The following PTPRT variants were observed in gnomAD, a reference collection of about 807,000 sequenced individuals.
PTPRT encodes receptor-type tyrosine-protein phosphatase T.
In PTPRT, 56 loss-of-function variants were observed where a neutral mutation model predicts 176.8. The observed-to-expected ratio is 0.32, with a 90% CI of 0.26 to 0.40. The LOEUF (loss-of-function observed/expected upper bound fraction) is 0.40, where lower values mean the gene tolerates loss of function less well. Among genes scored for constraint, PTPRT ranks in the 10% least tolerant of loss-of-function variants. PTPRT has a pLI of 1.00. For missense variants in PTPRT, 1,540 were observed against 1,908.2 expected (o/e 0.81, Z 3.60); for synonymous variants, 783 against 739.0 (o/e 1.06, Z -0.96).
At chr20:42,540,800 C>T (rs1388104435) in intron 7 of PTPRT, among the ~76,000 whole-genome samples, 1 of 151,980 alleles carries the variant, frequency 6.6e-6, no homozygotes, top group African/African-American at 2.4e-5. Flanking sequence ...TTTACATAGT[C>T]AAAATAGTGT....
At chr20:42,855,933 G>A (rs1320355384) in intron 2 of PTPRT, among the ~76,000 whole-genome samples, 1 of 152,028 alleles carries the variant, frequency 6.6e-6, no homozygotes, top group Non-Finnish European at 1.5e-5. Context: ...GAATTATCAG[G>A]CAGAAACCAG....
chr20:42,253,404 A>G (rs1600731930), intron 13 of PTPRT, among the ~76,000 whole-genome samples: 1 of 152,274 alleles, frequency 6.6e-6, no homozygotes, highest in East Asian at 1.9e-4. Context: ...TCAGTGGGAT[A>G]ACACCTGCGT....
At chr20:42,252,640 G>A in intron 13 of PTPRT, among the ~76,000 whole-genome samples, 1 of 152,188 alleles carries the variant, frequency 6.6e-6, no homozygotes, top group East Asian at 1.9e-4. Context: ...ACACACAAAG[G>A]AAAGTGAAGA....
chr20:42,483,734 A>G (rs1032890069), intron 7 of PTPRT, among the ~76,000 whole-genome samples: 9 of 152,244 alleles, frequency 5.9e-5, no homozygotes, highest in African/African-American at 2.2e-4. Flanking sequence ...CACAGTAAGC[A>G]CAAAAACTGC....
At chr20:42,722,524 G>T (rs1444965610) in intron 6 of PTPRT, among the ~76,000 whole-genome samples, 1 of 152,128 alleles carries the variant, frequency 6.6e-6, no homozygotes, top group African/African-American at 2.4e-5. Context: ...AATGCCTGTC[G>T]ATTCCACTTT....
intron 9 of PTPRT, among the ~76,000 whole-genome samples, chr20:42,371,033 C>A (rs967489781): frequency 1.3e-5 from 2 of 152,218 alleles, no homozygotes; most frequent in Non-Finnish European, 2.9e-5. Context: ...CTTGGGCAAA[C>A]CTTCCCTGCT....
chr20:42,187,851 T>G (rs1325405904), intron 16 of PTPRT, among the ~76,000 whole-genome samples: 1 of 152,232 alleles, frequency 6.6e-6, no homozygotes, highest in African/African-American at 2.4e-5. Context: ...ACTGATGGCT[T>G]TTCTATAGGT....
intron 18 of PTPRT, among the ~76,000 whole-genome samples, chr20:42,140,821 G>T (rs934513917): frequency 6.6e-6 from 1 of 152,148 alleles, no homozygotes; most frequent in Non-Finnish European, 1.5e-5. Flanking sequence ...GATCCATGCT[G>T]CTCACCAGTG....
At chr20:42,751,241 A>C (rs1426108439) in intron 6 of PTPRT, among the ~76,000 whole-genome samples, 1 of 152,142 alleles carries the variant, frequency 6.6e-6, no homozygotes, top group African/African-American at 2.4e-5. Flanking sequence ...TCGGGTGCTG[A>C]AGGGCCCAGT....
intron 7 of PTPRT, among the ~76,000 whole-genome samples, chr20:42,668,389 C>T (rs2146029767): frequency 6.6e-6 from 1 of 152,314 alleles, no homozygotes; most frequent in East Asian, 1.9e-4. Context: ...TGAGGGACTT[C>T]CAGCTATTTC....
At chr20:42,209,359 C>G (rs1192358428) in intron 15 of PTPRT, among the ~76,000 whole-genome samples, 1 of 151,944 alleles carries the variant, frequency 6.6e-6, no homozygotes, top group Non-Finnish European at 1.5e-5. Context: ...AATCCAGGAG[C>G]TGGTTTTTTG....
chr20:42,355,665 AG>A (rs556137608), intron 9 of PTPRT, among the ~76,000 whole-genome samples: 1 of 152,136 alleles, frequency 6.6e-6, no homozygotes, highest in African/African-American at 2.4e-5. Flanking sequence ...GTGGCAGAAA[AG>A]GGGAGATGTA....
At chr20:42,318,393 A>G (rs1241138998) in intron 11 of PTPRT, among the ~76,000 whole-genome samples, 1 of 152,166 alleles carries the variant, frequency 6.6e-6, no homozygotes, top group African/African-American at 2.4e-5. Context: ...TTTATAAATA[A>G]CAATATATTC....
chr20:42,852,680 T>A (rs1047127621), intron 2 of PTPRT, among the ~76,000 whole-genome samples: 1 of 152,190 alleles, frequency 6.6e-6, no homozygotes. Flanking sequence ...ATTCATGGAT[T>A]CTGTTCCCCA....
At chr20:43,090,208 T>C (rs1229000867) in intron 1 of PTPRT, among the ~76,000 whole-genome samples, 2 of 151,434 alleles carry the variant, frequency 1.3e-5, no homozygotes, top group Non-Finnish European at 2.9e-5. Flanking sequence ...ACAGAACCCT[T>C]AATTAATATC....
rs192943953 is a variant in PTPRT at position 42,271,366 on chromosome 20, T to C, written c.2176+11123A>G. Among the ~76,000 whole-genome samples the C allele has an allele frequency of 1.7e-3, 254 of 152,324 alleles. 1 individual carries two copies. The highest frequency in any genetic ancestry group is 5.9e-3 in the African/African-American group (244 of 41,576). ...CGTCAGGTGTCAGTTTATAACCTGT[T>C]ACCTCTAGGGAGTCTTTAGTACGTC... On this transcript the variant is annotated intron_variant, in intron 13 of 30. Transcript: ENST00000373187.
intron 13 of PTPRT, among the ~76,000 whole-genome samples, chr20:42,265,210 T>C (rs2056819060): frequency 6.6e-6 from 1 of 152,176 alleles, no homozygotes; most frequent in Non-Finnish European, 1.5e-5. Context: ...CCATGGTATT[T>C]CCCAATGCTG....
intron 7 of PTPRT, among the ~76,000 whole-genome samples, chr20:42,634,688 C>T (rs1219403811): frequency 2.0e-5 from 3 of 152,044 alleles, no homozygotes; most frequent in Non-Finnish European, 4.4e-5. Context: ...TCTTCCCCAA[C>T]CCCTGCTTAT....
At chr20:42,688,392 C>T (rs546442361) in intron 6 of PTPRT, 11 of 152,366 alleles carry the variant, frequency 7.2e-5, no homozygotes, top group Admixed American at 2.0e-4. Flanking sequence ...TGTGCTCCTC[C>T]TACAGACTTC....
Sources: gnomAD v4.1 joint callset for allele counts (sites outside exome capture counted in the v4.1 genomes callset) on GRCh38, gnomAD v4.1.1 for gene constraint, MANE v1.5 for transcripts, NCBI Gene and HGNC (gene_info 2026-07-23, HGNC 2026-07-21) for gene names.